CCND3: variants seen among roughly 807,000 people sequenced by gnomAD.
The protein encoded by CCND3 is cyclin D3, also known as G1/S-specific cyclin-D3.
CCND3 carries 9 observed loss-of-function variants against 28.7 expected under a neutral mutation model. The ratio of observed to expected loss-of-function variants is 0.31; its 90% CI spans 0.19 to 0.55. CCND3 has a LOEUF of 0.55. CCND3 is among the 20% of genes least tolerant of loss of function. The pLI is 0.93. For synonymous variants in CCND3, 164 were observed against 163.9 expected (o/e 1.00, Z 0.00); for missense variants, 315 against 385.8 (o/e 0.82, Z 1.54).
Position 41,972,856 on chromosome 6 carries a change from A to G in CCND3, c.-45-32271T>C, listed in dbSNP as rs1245317282. The stretch of plus-strand genomic sequence containing the variant: ...ACAGAGTGAAACCCCATCTCTACAA[A>G]AAATTTACATATATATATATATATT... On this transcript the variant is annotated intron_variant, in intron 1 of 4. Transcript: ENST00000372988. Among the ~76,000 whole-genome samples, 7 of 144,590 alleles carry G rather than the reference A, an allele frequency of 4.8e-5. 1 individual carries two copies. Among genetic ancestry groups the G allele is most frequent in the African/African-American group, 1.1e-4 (4 of 37,676 alleles). 94.9% of individuals were successfully genotyped at this position (144,590 alleles called of 152,430 possible). A position where few individuals can be genotyped will look rare whatever the true frequency, so the allele number is the denominator to read the frequency against.
At chr6:42,049,691 A>G (rs1764672806), upstream of CCND3, 1 of 152,294 alleles carries the variant, frequency 6.6e-6, no homozygotes, top group Admixed American at 6.5e-5. Context: ...AGGCAGCAGG[A>G]TGCAGCGATA....
chr6:41,953,639 G>T (rs1163483406), intron 1 of CCND3, among the ~76,000 whole-genome samples: 2 of 151,968 alleles, frequency 1.3e-5, no homozygotes, highest in Non-Finnish European at 2.9e-5. Context: ...CAGAACCCAG[G>T]TTTTGTTGAG....
At chr6:41,968,455 G>A (rs1761947014) in intron 1 of CCND3, among the ~76,000 whole-genome samples, 2 of 152,070 alleles carry the variant, frequency 1.3e-5, no homozygotes, top group African/African-American at 4.8e-5. Context: ...AAAAAACCTA[G>A]GAAAATCGGG....
chr6:42,005,674 A>T (rs1763155774), intron 1 of CCND3, among the ~76,000 whole-genome samples: 1 of 151,744 alleles, frequency 6.6e-6, no homozygotes, highest in Admixed American at 6.6e-5. Flanking sequence ...CCTCGGCAAC[A>T]TGGTGAGGCC....
In CCND3 at chr6:42,024,815, T is replaced by G. The variant is rs530703193; in HGVS notation, c.-46+23686A>C. Among the ~76,000 whole-genome samples, 7 of 152,128 alleles carry G rather than the reference T, an allele frequency of 4.6e-5. No homozygotes were observed. In the South Asian group the frequency reaches 8.3e-4, roughly 18 times the overall value. ...GGCTCATGCCTGTAATCCCAGCACT[T>G]TGGGAGGCTGAGGAGGGCAGATCAC... On this transcript the variant is annotated intron_variant, in intron 1 of 4. Transcript: ENST00000372988.
intron 1 of CCND3, among the ~76,000 whole-genome samples, chr6:42,006,811 G>C (rs929298988): frequency 7.9e-5 from 12 of 151,974 alleles, no homozygotes; most frequent in Non-Finnish European, 1.8e-4. Flanking sequence ...GGGAGGCTGA[G>C]GCAGGAGAAT....
chr6:41,977,235 A>G (rs1233768239), intron 1 of CCND3, among the ~76,000 whole-genome samples: 1 of 152,216 alleles, frequency 6.6e-6, no homozygotes, highest in Non-Finnish European at 1.5e-5. Context: ...AAATTTTGAG[A>G]CCAAAAAGTA....
intron 1 of CCND3, among the ~76,000 whole-genome samples, chr6:41,980,279 G>T (rs1762306837): frequency 6.6e-6 from 1 of 151,986 alleles, no homozygotes; most frequent in African/African-American, 2.4e-5. Context: ...GGGACTACAG[G>T]CACCTGCCAC....
chr6:41,976,073 CG>C lies in CCND3; in HGVS notation c.-45-35489del, dbSNP rs562871764. ...AAATTTTAAATTAGCTGGGTCTGGCCGGGCGCTGTGGCTCACACCTGTAATC... is the reference window on the plus strand; with the variant it reads ...AAATTTTAAATTAGCTGGGTCTGGCCGGCGCTGTGGCTCACACCTGTAATC... On this transcript the variant is annotated intron_variant, in intron 1 of 4. Coordinates refer to the CCND3 transcript ENST00000372988. 3.5e-3 allele frequency among the ~76,000 whole-genome samples: 530 copies of C among 152,112 alleles called. 4 individuals are homozygous for C. The highest frequency in any genetic ancestry group is 6.8e-3 in the Middle Eastern group (2 of 294).
chr6:42,038,405 T>C (rs1472603528), intron 1 of CCND3, among the ~76,000 whole-genome samples: 1 of 152,032 alleles, frequency 6.6e-6, no homozygotes, highest in East Asian at 1.9e-4. Context: ...CTGGGCGTGG[T>C]GGCTTGTGCC....
chr6:41,960,039 T>G (rs781446095), intron 1 of CCND3, among the ~76,000 whole-genome samples: 2 of 151,950 alleles, frequency 1.3e-5, no homozygotes, highest in Non-Finnish European at 2.9e-5. Context: ...CAGTGGAATA[T>G]CATTTAGCCA....
chr6:41,971,187 G>GCAT (rs1270457370), intron 1 of CCND3, among the ~76,000 whole-genome samples: 1 of 152,122 alleles, frequency 6.6e-6, no homozygotes, highest in African/African-American at 2.4e-5. Context: ...CAAAGTGTTG[G>GCAT]GATTACAGGC....
intron 1 of CCND3, among the ~76,000 whole-genome samples, chr6:42,013,560 T>C (rs776097566): frequency 1.3e-5 from 2 of 152,206 alleles, no homozygotes; most frequent in Non-Finnish European, 2.9e-5. Context: ...ACCTATCCTG[T>C]ATTTCTATAA....
At chr6:41,937,510 C>G in intron 2 of CCND3, 116 bp from the exon 3 acceptor site, 1 of 1,220,862 alleles carries the variant, frequency 8.2e-7, no homozygotes, top group Non-Finnish European at 1.1e-6. Flanking sequence ...AGCCCAAGAC[C>G]CCAGTTCTGT....
intron 1 of CCND3, among the ~76,000 whole-genome samples, chr6:41,984,651 A>G (rs1762435819): frequency 6.6e-6 from 1 of 152,126 alleles, no homozygotes; most frequent in Non-Finnish European, 1.5e-5. Flanking sequence ...CTCGGCGGGT[A>G]GTTGCTGTTT....
chr6:41,935,622 G>GT lies in CCND3; in HGVS notation c.*317_*318insA. On this transcript the variant is annotated 3_prime_UTR_variant, in exon 5 of 5. Coordinates refer to ENST00000372991, the MANE Select transcript of CCND3 (RefSeq NM_001760.5). ...AACATGAGAGCCCCCAGGGGTGGGG[G>GT]GGGGCGTTCAAAAGGAATGCTGGTG... The GT allele has an allele frequency of 2.1e-6, 1 of 470,382 alleles. No individual in the cohort carries two copies. The highest frequency in any genetic ancestry group is 3.1e-5 in the East Asian group (1 of 32,626). 29.1% of individuals were successfully genotyped at this position (470,382 alleles called of 1,614,324 possible).
chr6:41,966,819 T>G (rs1761900218), intron 1 of CCND3, among the ~76,000 whole-genome samples: 1 of 152,200 alleles, frequency 6.6e-6, no homozygotes, highest in Admixed American at 6.5e-5. Context: ...TATTAATTTA[T>G]TCACTCATTT....
intron 1 of CCND3, among the ~76,000 whole-genome samples, chr6:41,993,630 G>A (rs1762717175): frequency 6.6e-6 from 1 of 151,474 alleles, no homozygotes; most frequent in South Asian, 2.1e-4. Flanking sequence ...GGCTGGTCTT[G>A]AACTTCTGAC....
chr6:42,041,515 T>C (rs2127441099), intron 1 of CCND3, among the ~76,000 whole-genome samples: 1 of 152,264 alleles, frequency 6.6e-6, no homozygotes, highest in African/African-American at 2.4e-5. Context: ...ATGCCACATT[T>C]GAAGAGTCTC....
Sources: allele counts gnomAD v4.1 joint callset (sites outside exome capture counted in the v4.1 genomes callset), GRCh38; gene constraint gnomAD v4.1.1; transcripts MANE v1.5; gene names NCBI Gene and HGNC (gene_info 2026-07-23, HGNC 2026-07-21).